FAIM2: variants seen among roughly 807,000 people sequenced by gnomAD.
FAIM2 encodes Fas apoptotic inhibitory molecule 2.
Under a neutral mutation model 47.4 loss-of-function variants are expected in FAIM2, and 27 were observed. That is an observed-to-expected ratio of 0.57 (90% CI 0.42 to 0.78). The LOEUF (loss-of-function observed/expected upper bound fraction) is 0.78. Ranked by LOEUF, FAIM2 falls within the 30% of genes least tolerant of loss-of-function variation. FAIM2 has a pLI of 0.00. For synonymous variants in FAIM2, 156 were observed against 159.3 expected, an observed-to-expected ratio of 0.98 and a Z score of 0.16; for missense variants, 311 against 389.4, an observed-to-expected ratio of 0.80 and a Z score of 1.69.
intron 7 of FAIM2, 32 bp from the exon 8 acceptor site, chr12:49,890,186 CA>C (rs1176471510): frequency 1.2e-6 from 2 of 1,612,550 alleles, no homozygotes; most frequent in Admixed American, 3.3e-5. Context: ...AGGAATGTTC[CA>C]AACTCAGACG....
intron 11 of FAIM2, among the ~76,000 whole-genome samples, chr12:49,883,485 A>G (rs1427771807): frequency 6.6e-6 from 1 of 152,094 alleles, no homozygotes; most frequent in African/African-American, 2.4e-5. Flanking sequence ...TGGGAAAAGC[A>G]GGCATCCAGG....
intron 11 of FAIM2, among the ~76,000 whole-genome samples, chr12:49,875,201 G>A (rs1463030225): frequency 6.6e-6 from 1 of 152,198 alleles, no homozygotes; most frequent in African/African-American, 2.4e-5. Flanking sequence ...CACAAAAGAA[G>A]AGTTCGTGAA....
intron 2 of FAIM2, among the ~76,000 whole-genome samples, chr12:49,898,917 G>A (rs1308616650): frequency 6.6e-6 from 1 of 152,040 alleles, no homozygotes; most frequent in Non-Finnish European, 1.5e-5. Flanking sequence ...GGAAACCAGG[G>A]CTTCAGGGGG....
At chr12:49,885,297 G>C (rs1335870729) in intron 11 of FAIM2, among the ~76,000 whole-genome samples, 1 of 152,126 alleles carries the variant, frequency 6.6e-6, no homozygotes, top group Non-Finnish European at 1.5e-5. Flanking sequence ...TAAACTCCCC[G>C]GCCGGCCCCC....
rs561531478 is a variant in FAIM2 at position 49,868,422 on chromosome 12, A to C, written c.*2082T>G. 1 of 152,328 alleles carries C rather than the reference A, an allele frequency of 6.6e-6. No homozygotes were observed. Among genetic ancestry groups the C allele is most frequent in the Non-Finnish European group, 1.5e-5 (1 of 68,048 alleles). 9.4% of individuals were successfully genotyped at this position (152,328 alleles called of 1,614,324 possible). A position where few individuals can be genotyped will look rare whatever the true frequency, so the allele number is the denominator to read the frequency against. ...TGAGGCTAGGAACCAGAAACCAGAA[A>C]TCTTGCCTCCCAGCTCTTGTCTGGA... is the stretch of plus-strand genomic sequence containing the variant. On this transcript the variant is annotated 3_prime_UTR_variant, in exon 12 of 12. Coordinates refer to ENST00000320634, the MANE Select transcript of FAIM2 (RefSeq NM_012306.4).
rs776070850 is a variant in FAIM2 at position 49,887,377 on chromosome 12, C to T, written c.801+9G>A. 7 of 1,608,942 alleles carry T rather than the reference C, an allele frequency of 4.4e-6. No individual in the cohort carries two copies. Among genetic ancestry groups the T allele is most frequent in the Non-Finnish European group, 5.9e-6 (7 of 1,177,316 alleles). Reference sequence around the variant, plus strand: ...GAAGGAGGCTGCCAAGGAGCTAGACCACACTCACCAATGTAAATACACCCG... The same window carrying T: ...GAAGGAGGCTGCCAAGGAGCTAGACTACACTCACCAATGTAAATACACCCG... On this transcript the variant is annotated intron_variant, in intron 11 of 11. Transcript: ENST00000320634.
chr12:49,876,459 A>T (rs868084314), intron 11 of FAIM2, among the ~76,000 whole-genome samples: 17 of 152,340 alleles, frequency 1.1e-4, no homozygotes, highest in Middle Eastern at 6.8e-3. Flanking sequence ...CAAGGTTATC[A>T]TTTACCATAA....
Position 49,880,884 on chromosome 12 carries a change from G to C in FAIM2, c.801+6502C>G, listed in dbSNP as rs541205188. ...TGTGTGTATATGCGTGAATGTGAGT[G>C]TGTGTGTGTGTGTGTGTCTCTCTGG... On this transcript the variant is annotated intron_variant, in intron 11 of 11. Transcript: ENST00000320634. Among the ~76,000 whole-genome samples, 14 of 151,496 alleles carry C rather than the reference G, an allele frequency of 9.2e-5. No individual in the cohort carries two copies. The East Asian group carries it at 2.7e-3, about 29-fold the overall frequency.
chr12:49,890,810 T>C, intron 6 of FAIM2, 88 bp from the exon 7 acceptor site: 1 of 1,133,086 alleles, frequency 8.8e-7, no homozygotes, highest in Non-Finnish European at 1.3e-6. Context: ...AGGGGGTCTC[T>C]GACCAACCCC....
At chr12:49,872,601 G>A (rs564145532) in intron 11 of FAIM2, among the ~76,000 whole-genome samples, 2 of 152,182 alleles carry the variant, frequency 1.3e-5, no homozygotes, top group Non-Finnish European at 2.9e-5. Context: ...TGCTCCCCCC[G>A]GCAGGCCCAA....
chr12:49,903,820 T>C lies in FAIM2; in HGVS notation c.-28A>G. On this transcript the variant is annotated 5_prime_UTR_variant, in exon 1 of 12. Coordinates refer to ENST00000320634, the MANE Select transcript of FAIM2 (RefSeq NM_012306.4). ...TGCCGTCTCTCGGGGAAGGGGTCCC[T>C]GAGGCCCGGGTGGCCGCTTGGGTAA... The C allele has an allele frequency of 1.3e-6, 2 of 1,533,328 alleles. No individual in the cohort carries two copies. The highest frequency in any genetic ancestry group is 8.8e-7 in the Non-Finnish European group (1 of 1,138,384). 95.0% of individuals were successfully genotyped at this position (1,533,328 alleles called of 1,614,324 possible). A position where few individuals can be genotyped will look rare whatever the true frequency, so the allele number is the denominator to read the frequency against.
intron 11 of FAIM2, among the ~76,000 whole-genome samples, chr12:49,883,286 A>T (rs1323915805): frequency 6.6e-6 from 1 of 152,134 alleles, no homozygotes; most frequent in East Asian, 1.9e-4. Context: ...GCAACAATCA[A>T]TCCAGGCTGG....
intron 11 of FAIM2, among the ~76,000 whole-genome samples, chr12:49,879,511 CAT>C (rs1491207217): frequency 1.6e-4 from 20 of 124,094 alleles, no homozygotes; most frequent in African/African-American, 6.3e-4. Context: ...TATGTATGTG[CAT>C]GTGTGTGTGT....
chr12:49,897,689 C>T, intron 3 of FAIM2, 106 bp from the exon 4 acceptor site: 1 of 814,066 alleles, frequency 1.2e-6, no homozygotes, highest in Non-Finnish European at 2.0e-6. Context: ...TGCACTCCAC[C>T]CTCCTTTTTG....
chr12:49,902,245 A>C (rs1946986515), intron 1 of FAIM2: 1 of 152,244 alleles, frequency 6.6e-6, no homozygotes, highest in Non-Finnish European at 1.5e-5. Flanking sequence ...GGCCTGAATG[A>C]GGCAGCCAGA....
chr12:49,872,374 G>C (rs890627853), intron 11 of FAIM2, among the ~76,000 whole-genome samples: 1 of 152,144 alleles, frequency 6.6e-6, no homozygotes, highest in Admixed American at 6.5e-5. Flanking sequence ...TGAAGAGTGG[G>C]GAACTCGGTG....
chr12:49,899,485 T>C (rs1029824558), intron 2 of FAIM2, among the ~76,000 whole-genome samples: 5 of 152,216 alleles, frequency 3.3e-5, no homozygotes, highest in South Asian at 2.1e-4. Flanking sequence ...AGCCCCGCTA[T>C]ACATTCCTCC....
chr12:49,875,075 C>T (rs138723877), intron 11 of FAIM2, among the ~76,000 whole-genome samples: 46 of 152,162 alleles, frequency 3.0e-4, no homozygotes, highest in East Asian at 2.1e-3. Context: ...GTGAGGGACA[C>T]GATCAAAGTG....
chr12:49,878,392 G>GTGTGTGCATGTGTGTA (rs142129827), intron 11 of FAIM2, among the ~76,000 whole-genome samples: 2,356 of 125,224 alleles, frequency 0.019, 452 homozygotes, highest in African/African-American at 0.064. Flanking sequence ...GTGTATATGT[G>GTGTGTGCATGTGTGTA]TGTGTCTGTG....
Sources: gnomAD v4.1 joint callset for allele counts (sites outside exome capture counted in the v4.1 genomes callset) on GRCh38, gnomAD v4.1.1 for gene constraint, MANE v1.5 for transcripts, NCBI Gene and HGNC (gene_info 2026-07-23, HGNC 2026-07-21) for gene names.